OCEL1: variants seen among roughly 807,000 people sequenced by gnomAD.
OCEL1 encodes occludin/ELL domain containing 1.
OCEL1 carries 24 observed loss-of-function variants against 29.4 expected under a neutral mutation model. The observed-to-expected ratio is 0.82, with a 90% CI of 0.59 to 1.15. The LOEUF (loss-of-function observed/expected upper bound fraction) is 1.15, where lower values mean the gene tolerates loss of function less well. Among genes scored for constraint, OCEL1 ranks in the 50% most tolerant of loss-of-function variants. The pLI is 0.00. For missense variants in OCEL1, 402 were observed against 352.5 expected (o/e 1.14, Z -1.13); for synonymous variants, 172 against 145.3 (o/e 1.18, Z -1.32).
chr19:17,229,095 C>G lies in OCEL1; in HGVS notation c.*170C>G, dbSNP rs1770295836. 1.6e-6 allele frequency: 1 copy of G among 634,732 alleles called. No individual in the cohort carries two copies. The highest frequency in any genetic ancestry group is 1.8e-5 in the African/African-American group (1 of 54,156). The allele number at this position is 634,732 out of a possible 1,614,324, so 39.3% of individuals were successfully genotyped here. ...TCTGACAGCCCCTCCTCCAGGAAGG[C>G]CTTCCAGGACTTCCTCCTCTGGGTC... On this transcript the variant is annotated 3_prime_UTR_variant, in exon 6 of 6. Transcript: ENST00000215061.
chr19:17,228,428 C>A, intron 5 of OCEL1, 119 bp downstream of exon 5: 2 of 1,045,194 alleles, frequency 1.9e-6, no homozygotes, highest in Non-Finnish European at 2.8e-6. Flanking sequence ...CTCTGTCACC[C>A]AGGCGGGAGT....
Position 17,228,841 on chromosome 19 carries a change from C to T in OCEL1, c.711C>T (p.Tyr237=). The part of the protein sequence containing the change: ...GFLDKQARCH[Y]LKGKLRHLKT... ...TGGACAAGCAGGCTCGCTGCCACTA[C>T]CTGAAGGGTAAACTGAGGCATCTCA... The change falls in exon 6 of 6, where the codon TAC becomes TAT. Residue 237 remains tyrosine, a synonymous_variant. Coordinates refer to ENST00000215061, the MANE Select transcript of OCEL1 (RefSeq NM_024578.3). 1 of 1,613,864 alleles carries T rather than the reference C, an allele frequency of 6.2e-7. No homozygotes were observed. Among genetic ancestry groups the T allele is most frequent in the Non-Finnish European group, 8.5e-7 (1 of 1,179,960 alleles).
At chr19:17,226,665 C>T in intron 1 of OCEL1, 28 bp from the exon 2 acceptor site, 2 of 1,443,704 alleles carry the variant, frequency 1.4e-6, no homozygotes, top group Non-Finnish European at 1.8e-6. Context: ...CGTCGTCAGG[C>T]GTGTCCTCTC....
At position 17,226,889 on chromosome 19, in the gene OCEL1, G is replaced by C. The variant is rs1485225697; in HGVS notation, c.246+20G>C. 6.6e-7 allele frequency: 1 copy of C among 1,511,718 alleles called. No homozygotes were observed. The highest frequency in any genetic ancestry group is 8.8e-7 in the Non-Finnish European group (1 of 1,135,402). The allele number at this position is 1,511,718 out of a possible 1,614,324, so 93.6% of individuals were successfully genotyped here. ...CCCCCGGTGAGCCTGACCGGGAGGG[G>C]GTCCCCAGGCCGGGCCTCTAGGCAA... On this transcript the variant is annotated intron_variant, in intron 2 of 5. Coordinates refer to ENST00000215061, the MANE Select transcript of OCEL1 (RefSeq NM_024578.3).
chr19:17,227,224 C>T (rs891202), intron 3 of OCEL1, 25 bp downstream of exon 3: 563,808 of 1,456,562 alleles, frequency 0.39, 111,534 homozygotes, highest in East Asian at 0.55. Context: ...TGTGATTCTT[C>T]ATGCCTGGGA....
intron 1 of OCEL1, 60 bp downstream of exon 1, chr19:17,226,376 C>T: frequency 1.9e-6 from 3 of 1,573,972 alleles, no homozygotes; most frequent in South Asian, 1.1e-5. Flanking sequence ...TCCCGAGGAG[C>T]TCCTCGGGCG....
Position 17,226,795 on chromosome 19 carries a change from C to A in OCEL1, c.172C>A (p.Pro58Thr). 6.3e-7 allele frequency: 1 copy of A among 1,594,432 alleles called. No homozygotes were observed. Among genetic ancestry groups the A allele is most frequent in the Admixed American group, 1.7e-5 (1 of 57,828 alleles). The change falls in exon 2 of 6, where the codon CCC becomes ACC. Residue 58 changes from proline to threonine, a missense_variant. Coordinates refer to ENST00000215061, the MANE Select transcript of OCEL1 (RefSeq NM_024578.3). Reference protein sequence around the residue: ...PLSCFSRRPMPTREPPKTRGS... With the variant: ...PLSCFSRRPMTTREPPKTRGS... ...GAGCTGCTTCTCCCGGAGGCCGATG[C>A]CCACCCGGGAGCCCCCAAAGACTCG...
In OCEL1 at chr19:17,228,961, T is replaced by A. The variant is rs745660765; in HGVS notation, c.*36T>A. ...AGATGGGCAGAGGGATGCATGGGGA[T>A]GCAGGTCCCTTGCATTTCTTGGTAT... On this transcript the variant is annotated 3_prime_UTR_variant, in exon 6 of 6. Coordinates refer to ENST00000215061, the MANE Select transcript of OCEL1 (RefSeq NM_024578.3). 11 of 1,596,870 alleles carry A rather than the reference T, an allele frequency of 6.9e-6. No homozygotes were observed. The highest frequency in any genetic ancestry group is 2.2e-5 in the South Asian group (2 of 90,458).
intron 3 of OCEL1, among the ~76,000 whole-genome samples, chr19:17,227,466 G>A (rs1169639407): frequency 1.3e-5 from 2 of 152,112 alleles, no homozygotes; most frequent in East Asian, 3.9e-4. Context: ...TGAGGCAGGC[G>A]GATCACCTGA....
chr19:17,226,904 C>T, intron 2 of OCEL1, 35 bp downstream of exon 2: 1 of 1,515,468 alleles, frequency 6.6e-7, no homozygotes, highest in Non-Finnish European at 8.8e-7. Context: ...CCAGGCCGGG[C>T]CTCTAGGCAA....
rs766871615 is a variant in OCEL1, at chr19:17,227,122, C to A, written c.375C>A (p.Leu125=). ...AGGATGAGTTGCTCTCCCAGGCCCT[C>A]CTGGGCGCCAAGAAGCCTATTGGAG... is the stretch of plus-strand genomic sequence containing the variant. ...VFEDELLSQA[L]LGAKKPIGAI... Residue 125 remains leucine, a synonymous_variant, in exon 3 of 6, where the codon CTC becomes CTA. Transcript: ENST00000215061. 2.5e-6 allele frequency: 4 copies of A among 1,601,886 alleles called. No homozygotes were observed. The highest frequency in any genetic ancestry group is 3.4e-6 in the Non-Finnish European group (4 of 1,177,054).
At position 17,226,680 on chromosome 19, in the gene OCEL1, T is replaced by G; in HGVS notation, c.70-13T>G. The G allele has an allele frequency of 6.8e-7, 1 of 1,460,516 alleles. No homozygotes were observed. Among genetic ancestry groups the G allele is most frequent in the Non-Finnish European group, 9.0e-7 (1 of 1,114,294 alleles). 90.5% of individuals were successfully genotyped at this position (1,460,516 alleles called of 1,614,324 possible). On this transcript the variant is annotated splice_polypyrimidine_tract_variant and intron_variant, in intron 1 of 5. Coordinates refer to ENST00000215061, the MANE Select transcript of OCEL1 (RefSeq NM_024578.3). ...CGTCGTCAGGCGTGTCCTCTCCGCG[T>G]GTCCACCCACAGGCCGCCCGCAGAC...
chr19:17,228,420 C>G lies in OCEL1; in HGVS notation c.672+111C>G, dbSNP rs376218303. On this transcript the variant is annotated intron_variant, in intron 5 of 5. Transcript: ENST00000215061. ...CTTTCTTTTGAGACAGAATCTCGCTCTGTCACCCAGGCGGGAGTGCAGTGG... is the reference window on the plus strand; with the variant it reads ...CTTTCTTTTGAGACAGAATCTCGCTGTGTCACCCAGGCGGGAGTGCAGTGG... The G allele has an allele frequency of 1.7e-5, 19 of 1,133,358 alleles. 1 individual carries two copies. In the Middle Eastern group the frequency reaches 8.9e-4, roughly 53 times the overall value. The allele number at this position is 1,133,358 out of a possible 1,614,324, so 70.2% of individuals were successfully genotyped here. A position where few individuals can be genotyped will look rare whatever the true frequency, so the allele number is the denominator to read the frequency against.
chr19:17,226,737 C>T lies in OCEL1; in HGVS notation c.114C>T (p.Pro38=). 1 of 1,558,090 alleles carries T rather than the reference C, an allele frequency of 6.4e-7. No individual in the cohort carries two copies. Among genetic ancestry groups the T allele is most frequent in the Admixed American group, 1.9e-5 (1 of 52,382 alleles). The part of the protein sequence containing the change: ...PPPPRAGHDA[P]RRTRPSARKP... ...CGCCGCGCGCGGGACACGACGCCCC[C>T]CGCAGGACCCGCCCATCAGCCCGGA... Residue 38 remains proline (P), a synonymous_variant, in exon 2 of 6, where the codon CCC becomes CCT. Coordinates refer to ENST00000215061, the MANE Select transcript of OCEL1 (RefSeq NM_024578.3).
In OCEL1 at chr19:17,227,961, C is replaced by G. The variant is rs1297069650; in HGVS notation, c.574C>G (p.Gln192Glu). 6.2e-7 allele frequency: 1 copy of G among 1,612,814 alleles called. No individual in the cohort carries two copies. The highest frequency in any genetic ancestry group is 2.2e-5 in the East Asian group (1 of 44,874). Residue 192 changes from glutamine (Q) to glutamate (E), a missense_variant, in exon 4 of 6, where the codon CAG becomes GAG. Coordinates refer to ENST00000215061, the MANE Select transcript of OCEL1 (RefSeq NM_024578.3). ...EVGCAQAKLR[Q>E]LEALLSSLPP... ...GGGGTGTGCACAGGCAAAGCTCAGGCAGCTGGAGGCCCTGCTGAGCTCCCT... is the reference window on the plus strand; with the variant it reads ...GGGGTGTGCACAGGCAAAGCTCAGGGAGCTGGAGGCCCTGCTGAGCTCCCT...
In OCEL1 at chr19:17,227,087, A is replaced by C. The variant is rs932190426; in HGVS notation, c.340A>C (p.Ile114Leu). Residue 114 changes from isoleucine (I) to leucine (L), a missense_variant, in exon 3 of 6, where the codon ATT becomes CTT. Transcript: ENST00000215061. ...PGPHKAKTKK[I>L]VFEDELLSQA... is the part of the protein sequence containing the mutation. ...ACCCCACAAGGCAAAGACCAAGAAG[A>C]TTGTGTTTGAGGATGAGTTGCTCTC... The C allele has an allele frequency of 1.2e-6, 2 of 1,608,618 alleles. No homozygotes were observed. The highest frequency in any genetic ancestry group is 3.4e-5 in the Admixed American group (2 of 58,152).
chr19:17,226,591 G>A (rs936621724), intron 1 of OCEL1, 102 bp from the exon 2 acceptor site: 2 of 1,269,562 alleles, frequency 1.6e-6, no homozygotes, highest in Non-Finnish European at 2.1e-6. Flanking sequence ...GGGGAACTCT[G>A]CTCCCGCGGG....
At chr19:17,227,604 T>A (rs1246708981) in intron 3 of OCEL1, among the ~76,000 whole-genome samples, 1 of 151,444 alleles carries the variant, frequency 6.6e-6, no homozygotes, top group African/African-American at 2.4e-5. Context: ...GGTGGGAGAA[T>A]TGCTTGAACC....
intron 1 of OCEL1, 42 bp from the exon 2 acceptor site, chr19:17,226,651 T>C: frequency 7.0e-7 from 1 of 1,426,896 alleles, no homozygotes; most frequent in Non-Finnish European, 9.1e-7. Context: ...CCTTTCTCCG[T>C]GCGCGTCGTC....
Sources: gnomAD v4.1 joint callset for allele counts (sites outside exome capture counted in the v4.1 genomes callset) on GRCh38, gnomAD v4.1.1 for gene constraint, MANE v1.5 for transcripts, NCBI Gene and HGNC (gene_info 2026-07-23, HGNC 2026-07-21) for gene names.